The following DTNB variants were observed in gnomAD, a reference collection of about 807,000 sequenced individuals.
DTNB encodes the protein DTN-B.
A neutral mutation model predicts 90.7 loss-of-function variants in DTNB; 63 were observed. That is an observed-to-expected ratio of 0.69 (90% confidence interval 0.57 to 0.86). The LOEUF is 0.86. Among genes scored for constraint, DTNB ranks in the 40% least tolerant of loss-of-function variants. The probability of loss-of-function intolerance (pLI) is 0.00; values close to 1 mark genes in which losing one functional copy is unlikely to be tolerated. For synonymous variants in DTNB, 277 were observed against 286.7 expected, an observed-to-expected ratio of 0.97 and a Z score of 0.34; for missense variants, 744 against 807.1, an observed-to-expected ratio of 0.92 and a Z score of 0.95.
chr2:25,417,522 C>T (rs2048271938), intron 16 of DTNB, among the ~76,000 whole-genome samples: 1 of 152,138 alleles, frequency 6.6e-6, no homozygotes, highest in Non-Finnish European at 1.5e-5. Context: ...CAATGCCTGC[C>T]CTCTTCTGAA....
At chr2:25,408,634 A>T (rs1374343619) in intron 16 of DTNB, among the ~76,000 whole-genome samples, 2 of 149,554 alleles carry the variant, frequency 1.3e-5, no homozygotes, top group Non-Finnish European at 3.0e-5. Context: ...TTCTTTTTTT[A>T]AACATCAGGG....
At chr2:25,635,692 A>G (rs2148804664) in intron 3 of DTNB, among the ~76,000 whole-genome samples, 1 of 152,316 alleles carries the variant, frequency 6.6e-6, no homozygotes, top group Admixed American at 6.5e-5. Flanking sequence ...AAATGAATAA[A>G]AAAAACACAG....
chr2:25,543,632 CTG>C (rs2081809718), intron 8 of DTNB, among the ~76,000 whole-genome samples: 1 of 152,140 alleles, frequency 6.6e-6, no homozygotes, highest in South Asian at 2.1e-4. Flanking sequence ...TATTTGACAA[CTG>C]TTGCTTTTTA....
At chr2:25,422,107 G>A (rs1558455665) in intron 15 of DTNB, among the ~76,000 whole-genome samples, 1 of 152,162 alleles carries the variant, frequency 6.6e-6, no homozygotes, top group Non-Finnish European at 1.5e-5. Context: ...AACTAGTCAG[G>A]TGGGGTCACT....
chr2:25,529,177 A>G (rs753381634), intron 9 of DTNB, among the ~76,000 whole-genome samples: 6 of 152,236 alleles, frequency 3.9e-5, no homozygotes, highest in Non-Finnish European at 7.3e-5. Flanking sequence ...AAAGGAGCAG[A>G]ATAAAGAAAC....
chr2:25,619,805 GC>G (rs1207042114), intron 4 of DTNB, among the ~76,000 whole-genome samples: 1 of 152,154 alleles, frequency 6.6e-6, no homozygotes, highest in African/African-American at 2.4e-5. Flanking sequence ...ACTTTGAGAG[GC>G]CGAGGTGGGC....
At position 25,553,010 on chromosome 2, in the gene DTNB, G is replaced by A. The variant is rs573574662; in HGVS notation, c.877-21413C>T. On this transcript the variant is annotated intron_variant, in intron 8 of 20. Transcript: ENST00000406818. ...CGAGTAGCTGGGACTACAGGCGCCC[G>A]CCACCACGCCCGGCTAATTTTTTGT... is the stretch of plus-strand genomic sequence containing the variant. 7.3e-3 allele frequency among the ~76,000 whole-genome samples: 1,104 copies of A among 150,488 alleles called. 10 individuals are homozygous for A. The highest frequency in any genetic ancestry group is 0.012 in the Non-Finnish European group (840 of 67,572).
At chr2:25,380,772 G>A (rs13409058) in intron 19 of DTNB, among the ~76,000 whole-genome samples, 3,050 of 144,364 alleles carry the variant, frequency 0.021, 102 homozygotes, top group African/African-American at 0.071. Flanking sequence ...CTGGAGGCCC[G>A]GGCGAGGGAA....
chr2:25,488,863 C>T (rs1382225279), intron 9 of DTNB, among the ~76,000 whole-genome samples: 2 of 152,190 alleles, frequency 1.3e-5, no homozygotes, highest in Non-Finnish European at 2.9e-5. Context: ...GTTGGCCAGG[C>T]TGGTCTTGAA....
At chr2:25,503,361 G>A (rs1490134648) in intron 9 of DTNB, among the ~76,000 whole-genome samples, 1 of 152,012 alleles carries the variant, frequency 6.6e-6, no homozygotes, top group Non-Finnish European at 1.5e-5. Flanking sequence ...AGGTGTGGTA[G>A]TGCGTGCCTG....
At position 25,555,300 on chromosome 2, in the gene DTNB, AAAAAAAAAAC is replaced by A. The variant is rs1380381513; in HGVS notation, c.876+21528_876+21537del. On this transcript the variant is annotated intron_variant, in intron 8 of 20. Transcript: ENST00000406818. ...AGCAAGACTCCGTCTCCAAAAAAAA[AAAAAAAAAAC>A]AAAAAGGTCTGAAGCAAATCCAGCA... Among the ~76,000 whole-genome samples, 3 of 151,812 alleles carry A rather than the reference AAAAAAAAAAC, an allele frequency of 2.0e-5. No individual in the cohort carries two copies. The East Asian group carries it at 5.8e-4, about 29-fold the overall frequency.
At chr2:25,588,034 C>T (rs1009402394) in intron 6 of DTNB, among the ~76,000 whole-genome samples, 1 of 152,140 alleles carries the variant, frequency 6.6e-6, no homozygotes, top group African/African-American at 2.4e-5. Context: ...TTCCTTTCAT[C>T]TATTCAGGGG....
chr2:25,605,231 A>G (rs2066848032), intron 5 of DTNB, among the ~76,000 whole-genome samples: 1 of 152,242 alleles, frequency 6.6e-6, no homozygotes, highest in African/African-American at 2.4e-5. Flanking sequence ...AAGATAAACC[A>G]CACTTGAAAT....
intron 4 of DTNB, among the ~76,000 whole-genome samples, chr2:25,624,251 T>C (rs2073576042): frequency 6.6e-6 from 1 of 152,234 alleles, no homozygotes; most frequent in Admixed American, 6.5e-5. Flanking sequence ...ATCTGATTGA[T>C]GTCTCATGTC....
At chr2:25,613,660 A>G (rs534365677) in intron 4 of DTNB, among the ~76,000 whole-genome samples, 8 of 146,754 alleles carry the variant, frequency 5.5e-5, no homozygotes, top group Admixed American at 4.0e-4. Context: ...AAATGTAGGA[A>G]AAAAAAAAAA....
intron 8 of DTNB, among the ~76,000 whole-genome samples, chr2:25,545,387 T>G (rs2082195430): frequency 6.6e-6 from 1 of 152,204 alleles, no homozygotes; most frequent in Non-Finnish European, 1.5e-5. Context: ...CAATTTTTGG[T>G]AATAAGCTCA....
At chr2:25,599,713 A>G (rs1376161587) in intron 5 of DTNB, among the ~76,000 whole-genome samples, 1 of 152,180 alleles carries the variant, frequency 6.6e-6, no homozygotes, top group Non-Finnish European at 1.5e-5. Context: ...TCTAGACTGC[A>G]GATAGAGAAC....
At chr2:25,409,042 G>C (rs1054338276) in intron 16 of DTNB, among the ~76,000 whole-genome samples, 7 of 152,110 alleles carry the variant, frequency 4.6e-5, no homozygotes, top group African/African-American at 1.4e-4. Context: ...ACAGGAGAAG[G>C]GCATCAGGGA....
chr2:25,574,614 G>A (rs554792748), intron 8 of DTNB, among the ~76,000 whole-genome samples: 5 of 152,216 alleles, frequency 3.3e-5, no homozygotes, highest in African/African-American at 7.2e-5. Context: ...AAACACAGCC[G>A]ACAATCTCAA....
Sources: allele counts gnomAD v4.1 joint callset (sites outside exome capture counted in the v4.1 genomes callset), GRCh38; gene constraint gnomAD v4.1.1; transcripts MANE v1.5; gene names NCBI Gene and HGNC (gene_info 2026-07-23, HGNC 2026-07-21).